Variants in JHY observed in about 807,000 individuals in gnomAD.
The protein encoded by JHY is jhy protein homolog.
Under a neutral mutation model 78.0 loss-of-function variants are expected in JHY, and 69 were observed. That is an observed-to-expected ratio of 0.88 (90% CI 0.73 to 1.08). The LOEUF (loss-of-function observed/expected upper bound fraction) is 1.08, where lower values mean the gene tolerates loss of function less well. Ranked by LOEUF, JHY falls within the 50% of genes least tolerant of loss-of-function variation. The probability of loss-of-function intolerance (pLI) is 0.00; values close to 1 mark genes in which losing one functional copy is unlikely to be tolerated. For missense variants in JHY, 944 were observed against 927.8 expected (o/e 1.02, Z -0.23); for synonymous variants, 368 against 342.6 (o/e 1.07, Z -0.82).
Position 122,960,975 on chromosome 11 carries a change from A to C in JHY, c.*1530A>C, listed in dbSNP as rs889943661. On this transcript the variant is annotated 3_prime_UTR_variant, in exon 9 of 9. Transcript: ENST00000227349. ...GATGCGTTGAAAGGAACAAGAGCAC[A>C]TGATAAATTGGGTGCAGAGCATCTC... 12 of 786,944 alleles carry C rather than the reference A, an allele frequency of 1.5e-5. No homozygotes were observed. The highest frequency in any genetic ancestry group is 1.6e-5 in the Non-Finnish European group (7 of 438,904). The allele number at this position is 786,944 out of a possible 1,614,324, so 48.7% of individuals were successfully genotyped here. A position where few individuals can be genotyped will look rare whatever the true frequency, so the allele number is the denominator to read the frequency against.
chr11:122,948,676 A>C (rs1000353684), intron 6 of JHY, among the ~76,000 whole-genome samples: 4 of 152,124 alleles, frequency 2.6e-5, no homozygotes, highest in African/African-American at 9.7e-5. Flanking sequence ...GTAGGCATGC[A>C]TGGGGAGCAC....
At position 122,960,103 on chromosome 11, in the gene JHY, G is replaced by A. The variant is rs557546871; in HGVS notation, c.*658G>A. Among the ~76,000 whole-genome samples, 6 of 152,184 alleles carry A rather than the reference G, an allele frequency of 3.9e-5. No individual in the cohort carries two copies. Among genetic ancestry groups the A allele is most frequent in the African/African-American group, 9.6e-5 (4 of 41,544 alleles). On this transcript the variant is annotated 3_prime_UTR_variant, in exon 9 of 9. Transcript: ENST00000227349. ...ACAAAAATTAGCTAGGCGTGGTGGCGCATGTCTATAGTTCCAGGTACTCAG... is the reference window on the plus strand; with the variant it reads ...ACAAAAATTAGCTAGGCGTGGTGGCACATGTCTATAGTTCCAGGTACTCAG...
At chr11:122,946,919 G>T in intron 6 of JHY, 127 bp downstream of exon 6, 1 of 1,122,058 alleles carries the variant, frequency 8.9e-7, no homozygotes, top group South Asian at 1.7e-5. Context: ...GTCGCCCAGA[G>T]TCCTAAGGAG....
intron 6 of JHY, among the ~76,000 whole-genome samples, chr11:122,954,520 A>T (rs118120007): frequency 2.0e-5 from 3 of 152,262 alleles, no homozygotes; most frequent in Non-Finnish European, 4.4e-5. Flanking sequence ...TGCAATAATT[A>T]TACCTAATAT....
intron 2 of JHY, among the ~76,000 whole-genome samples, chr11:122,896,210 C>T (rs1172580821): frequency 6.6e-6 from 1 of 152,000 alleles, no homozygotes; most frequent in Admixed American, 6.6e-5. Flanking sequence ...TCAATCTTTT[C>T]TGTAGTGGGT....
chr11:122,948,308 T>C (rs1164463903), intron 6 of JHY, among the ~76,000 whole-genome samples: 1 of 151,976 alleles, frequency 6.6e-6, no homozygotes, highest in African/African-American at 2.4e-5. Flanking sequence ...CCGGGCATGG[T>C]GGCAGGTGCC....
chr11:122,935,687 A>G lies in JHY; in HGVS notation c.1634+612A>G, dbSNP rs1374345253. Among the ~76,000 whole-genome samples, 3 of 152,194 alleles carry G rather than the reference A, an allele frequency of 2.0e-5. No homozygotes were observed. Among genetic ancestry groups the G allele is most frequent in the Non-Finnish European group, 4.4e-5 (3 of 68,026 alleles). ...GGGTTGCAAGTAATGTTTGGAGGAA[A>G]CAAATGATCTTCAACATTATCATGG... On this transcript the variant is annotated intron_variant, in intron 5 of 8. Transcript: ENST00000227349. This position sits in a 1 kb window ranked among gnomAD's most constrained non-coding sequence, Gnocchi z 4.5.
chr11:122,892,576 C>T (rs1862646806), intron 2 of JHY, among the ~76,000 whole-genome samples: 1 of 152,126 alleles, frequency 6.6e-6, no homozygotes. Context: ...CCCACCTCGG[C>T]CTCCCAAAGT....
chr11:122,959,016 C>A, intron 8 of JHY: 2 of 984,098 alleles, frequency 2.0e-6, no homozygotes, highest in Non-Finnish European at 2.4e-6. Flanking sequence ...AGGACACAAC[C>A]GTATGTATTA....
At chr11:122,905,595 C>T (rs1187579252) in intron 3 of JHY, 5 of 999,956 alleles carry the variant, frequency 5.0e-6, no homozygotes, top group South Asian at 4.6e-5. Context: ...TCTGGTGGCA[C>T]GTTGGCTCAT....
intron 3 of JHY, among the ~76,000 whole-genome samples, chr11:122,918,502 A>G (rs1863282904): frequency 6.6e-6 from 1 of 151,418 alleles, no homozygotes; most frequent in African/African-American, 2.5e-5. Context: ...AGGGCACGCC[A>G]TGCGAATATT....
intron 4 of JHY, among the ~76,000 whole-genome samples, chr11:122,926,588 G>A (rs769199322): frequency 5.3e-5 from 8 of 152,180 alleles, no homozygotes; most frequent in South Asian, 2.1e-4. Flanking sequence ...AGAGGATGGC[G>A]ACTGAAATGT....
At chr11:122,903,192 A>G (rs1283669506) in intron 2 of JHY, among the ~76,000 whole-genome samples, 2 of 152,244 alleles carry the variant, frequency 1.3e-5, no homozygotes, top group Non-Finnish European at 2.9e-5. Flanking sequence ...TAGTCAGTGT[A>G]TGAAATGTAT....
chr11:122,957,934 A>G (rs968801743), intron 8 of JHY, among the ~76,000 whole-genome samples: 3 of 152,156 alleles, frequency 2.0e-5, no homozygotes, highest in African/African-American at 7.2e-5. Flanking sequence ...TTAAATAATA[A>G]TGTGATTTCT....
intron 3 of JHY, among the ~76,000 whole-genome samples, chr11:122,907,735 T>A (rs984567993): frequency 6.7e-6 from 1 of 150,180 alleles, no homozygotes; most frequent in Non-Finnish European, 1.5e-5. Context: ...TCCCAGCTAC[T>A]CGGGAGGCTG....
rs1863698906 is a variant in JHY, at chr11:122,934,320, A to ATAAC, written c.979-97_979-96insCTAA. 9.1e-6 allele frequency: 4 copies of ATAAC among 438,308 alleles called. No individual in the cohort carries two copies. The South Asian group carries it at 3.3e-4, about 36-fold the overall frequency. 27.2% of individuals were successfully genotyped at this position (438,308 alleles called of 1,614,324 possible). A position where few individuals can be genotyped will look rare whatever the true frequency, so the allele number is the denominator to read the frequency against. ...GACAGTGAGACTCCGTCTCAAATAA[A>ATAAC]TAAATAAATAAATAAATAAATAAAT... is the stretch of plus-strand genomic sequence containing the variant. On this transcript the variant is annotated intron_variant, in intron 4 of 8. Coordinates refer to ENST00000227349, the MANE Select transcript of JHY (RefSeq NM_024806.4).
At position 122,963,253 on chromosome 11, in the gene JHY, A is replaced by T. The variant is rs914838248; in HGVS notation, c.*3808A>T. ...CTTCACTTTCACACCTACTGTCAAG[A>T]ACCCAAATTTGGCTGAAGCAGCTTA... On this transcript the variant is annotated 3_prime_UTR_variant, in exon 9 of 9. Coordinates refer to ENST00000227349, the MANE Select transcript of JHY (RefSeq NM_024806.4). Among the ~76,000 whole-genome samples the T allele has an allele frequency of 6.6e-6, 1 of 152,166 alleles. No individual in the cohort carries two copies. Among genetic ancestry groups the T allele is most frequent in the Non-Finnish European group, 1.5e-5 (1 of 68,004 alleles).
chr11:122,940,090 G>T (rs959412372), intron 5 of JHY, among the ~76,000 whole-genome samples: 2 of 151,210 alleles, frequency 1.3e-5, no homozygotes, highest in Admixed American at 1.3e-4. Context: ...TGTAATCCCA[G>T]CACTTTGGGA....
chr11:122,937,313 A>C (rs1756176340), intron 5 of JHY, among the ~76,000 whole-genome samples: 1 of 147,084 alleles, frequency 6.8e-6, no homozygotes, highest in African/African-American at 2.5e-5. Context: ...CTCTCTGTAC[A>C]TATAGCTAAT....
Sources: allele counts gnomAD v4.1 joint callset (sites outside exome capture counted in the v4.1 genomes callset), GRCh38; gene constraint gnomAD v4.1.1; non-coding constraint Gnocchi (gnomAD v3.1); transcripts MANE v1.5; gene names NCBI Gene and HGNC (gene_info 2026-07-23, HGNC 2026-07-21).